KLF12: variants seen among roughly 807,000 people sequenced by gnomAD.
KLF12 encodes the protein Krueppel-like factor 12.
KLF12 carries 9 observed loss-of-function variants against 37.8 expected under a neutral mutation model. The observed-to-expected ratio is 0.24, with a 90% confidence interval of 0.14 to 0.42. The LOEUF (loss-of-function observed/expected upper bound fraction) is 0.42. Among genes scored for constraint, KLF12 ranks in the 10% least tolerant of loss-of-function variants. The probability of loss-of-function intolerance (pLI) is 1.00; values close to 1 mark genes in which losing one functional copy is unlikely to be tolerated. For missense variants in KLF12, 411 were observed against 516.0 expected (o/e 0.80, Z 1.97); for synonymous variants, 208 against 202.1 (o/e 1.03, Z -0.25).
chr13:73,818,954 G>C (rs7983786), intron 4 of KLF12, among the ~76,000 whole-genome samples: 40,905 of 152,138 alleles, frequency 0.27, 5,697 homozygotes, highest in East Asian at 0.49. Context: ...AGAGCTGCTG[G>C]TTTATTCTAG....
At chr13:74,220,616 A>T in the KLF12 span, among the ~76,000 whole-genome samples, 1 of 152,222 alleles carries the variant, frequency 6.6e-6, no homozygotes, top group African/African-American at 2.4e-5. Context: ...TGTACAACAG[A>T]TCTCTTGAAC....
chr13:74,127,497 C>T (rs1332659270), intron 1 of KLF12, among the ~76,000 whole-genome samples: 2 of 152,038 alleles, frequency 1.3e-5, no homozygotes, highest in South Asian at 2.1e-4. Flanking sequence ...GAGAGTCCCA[C>T]AAAAAGTGAT....
chr13:73,954,336 T>C (rs933551400), intron 2 of KLF12, among the ~76,000 whole-genome samples: 11 of 152,312 alleles, frequency 7.2e-5, no homozygotes, highest in Admixed American at 2.0e-4. Flanking sequence ...GTAATTTAAA[T>C]ATTTAGTTAA....
chr13:73,703,809 T>G (rs1037212720), intron 7 of KLF12, among the ~76,000 whole-genome samples: 1 of 152,130 alleles, frequency 6.6e-6, no homozygotes, highest in Non-Finnish European at 1.5e-5. Flanking sequence ...ACATTTTAAA[T>G]TAGTGCTGTC....
At chr13:73,816,444 T>TG (rs796186468) in intron 4 of KLF12, among the ~76,000 whole-genome samples, 30 of 152,346 alleles carry the variant, frequency 2.0e-4, no homozygotes, top group African/African-American at 6.3e-4. Flanking sequence ...CCCAGCTCAC[T>TG]GCTGGTAGAG....
the KLF12 span, among the ~76,000 whole-genome samples, chr13:74,200,067 C>T: frequency 2.6e-4 from 39 of 152,176 alleles, no homozygotes; most frequent in African/African-American, 5.8e-4. Context: ...GGAGATCACA[C>T]GGCAGTGGGA....
At chr13:74,147,737 A>T in the KLF12 span, among the ~76,000 whole-genome samples, 3 of 151,850 alleles carry the variant, frequency 2.0e-5, no homozygotes, top group African/African-American at 7.3e-5. Context: ...CCTAGGAGTG[A>T]TTTTGCACAC....
chr13:74,275,306 T>G, the KLF12 span, among the ~76,000 whole-genome samples: 1 of 152,166 alleles, frequency 6.6e-6, no homozygotes. Flanking sequence ...CTATGAATCC[T>G]TTACTCTGAG....
chr13:73,919,873 G>A (rs1008445735), intron 3 of KLF12, among the ~76,000 whole-genome samples: 1 of 152,170 alleles, frequency 6.6e-6, no homozygotes, highest in Non-Finnish European at 1.5e-5. Context: ...ACCCTTAACT[G>A]AGAAATATCG....
chr13:74,294,156 A>AGCTGGT, the KLF12 span, among the ~76,000 whole-genome samples: 27 of 152,356 alleles, frequency 1.8e-4, no homozygotes, highest in Admixed American at 2.6e-4. Context: ...TGTGAACCAC[A>AGCTGGT]CTTTGAGTAA....
At chr13:74,138,233 T>G (rs932252350), upstream of KLF12, among the ~76,000 whole-genome samples, 1 of 152,232 alleles carries the variant, frequency 6.6e-6, no homozygotes, top group African/African-American at 2.4e-5. Context: ...GAAGTCCCTT[T>G]TAGAGGTAAA....
chr13:73,802,538 T>C (rs1247203696), intron 5 of KLF12, among the ~76,000 whole-genome samples: 1 of 152,178 alleles, frequency 6.6e-6, no homozygotes. Context: ...TACTGTGTGA[T>C]GCTGAGGTTT....
At chr13:74,194,882 C>A in the KLF12 span, among the ~76,000 whole-genome samples, 2 of 152,236 alleles carry the variant, frequency 1.3e-5, no homozygotes, top group East Asian at 3.8e-4. Context: ...TATGTAGATG[C>A]AGTTGTATCT....
chr13:74,191,650 C>G, the KLF12 span, among the ~76,000 whole-genome samples: 4 of 152,112 alleles, frequency 2.6e-5, no homozygotes, highest in African/African-American at 7.2e-5. Context: ...CTGCACAGCT[C>G]TAGCATACAG....
intron 6 of KLF12, among the ~76,000 whole-genome samples, chr13:73,746,986 T>C (rs58348631): frequency 6.6e-6 from 1 of 152,150 alleles, no homozygotes; most frequent in African/African-American, 2.4e-5. Flanking sequence ...GGCTAATTTT[T>C]TTGTATTTTT....
At chr13:74,014,153 G>T (rs1367278709) in intron 1 of KLF12, among the ~76,000 whole-genome samples, 1 of 152,116 alleles carries the variant, frequency 6.6e-6, no homozygotes, top group Non-Finnish European at 1.5e-5. Flanking sequence ...TCAGCACAAG[G>T]CCATTTGGAT....
chr13:74,293,268 A>G, the KLF12 span, among the ~76,000 whole-genome samples: 35 of 152,164 alleles, frequency 2.3e-4, no homozygotes, highest in Non-Finnish European at 2.8e-4. Context: ...TCCAGGGAAA[A>G]TCCTGGGTGA....
intron 6 of KLF12, among the ~76,000 whole-genome samples, chr13:73,716,281 C>T (rs992474273): frequency 4.6e-5 from 7 of 152,198 alleles, no homozygotes; most frequent in Admixed American, 4.6e-4. Flanking sequence ...CTAACATGTA[C>T]TTAAAAAAAT....
At chr13:74,072,406 T>TATATATAA (rs1487459834) in intron 1 of KLF12, among the ~76,000 whole-genome samples, 54 of 119,686 alleles carry the variant, frequency 4.5e-4, no homozygotes, top group Non-Finnish European at 6.2e-4. Flanking sequence ...TATATATATA[T>TATATATAA]AAAAGATTAT....
Sources: allele counts gnomAD v4.1 joint callset (sites outside exome capture counted in the v4.1 genomes callset), GRCh38; gene constraint gnomAD v4.1.1; transcripts MANE v1.5; gene names NCBI Gene and HGNC (gene_info 2026-07-23, HGNC 2026-07-21).